The following NUDT4 variants were observed in gnomAD, a reference collection of about 807,000 sequenced individuals.
The protein encoded by NUDT4 is diphosphoinositol polyphosphate phosphohydrolase 2.
A neutral mutation model predicts 23.1 loss-of-function variants in NUDT4; 5 were observed. The observed-to-expected ratio is 0.22, with a 90% CI of 0.11 to 0.46. The LOEUF (loss-of-function observed/expected upper bound fraction) is 0.46. NUDT4 is among the 20% of genes least tolerant of loss of function. NUDT4 has a pLI of 0.99. For missense variants in NUDT4, 96 were observed against 211.6 expected (o/e 0.45, Z 3.39); for synonymous variants, 50 against 79.0 (o/e 0.63, Z 1.95).
At chr12:93,379,424 AT>A (rs1311201811) in intron 1 of NUDT4, among the ~76,000 whole-genome samples, 4 of 148,954 alleles carry the variant, frequency 2.7e-5, no homozygotes, top group African/African-American at 7.3e-5. Context: ...CGTGTATAAA[AT>A]ACTAGGCTAA....
At chr12:93,378,455 G>C (rs1875368302) in intron 1 of NUDT4, 34 bp downstream of exon 1, 4 of 1,523,404 alleles carry the variant, frequency 2.6e-6, no homozygotes, top group East Asian at 5.0e-5. Flanking sequence ...TGCCCTCCGG[G>C]GCGCCGGGGT....
chr12:93,394,477 C>G, intron 1 of NUDT4, 132 bp from the exon 2 acceptor site: 1 of 501,538 alleles, frequency 2.0e-6, no homozygotes, highest in Non-Finnish European at 3.6e-6. Flanking sequence ...TAATGCGTAC[C>G]CCCTAATTTT....
intron 1 of NUDT4, among the ~76,000 whole-genome samples, chr12:93,391,608 G>T (rs893802629): frequency 8.6e-5 from 13 of 151,740 alleles, no homozygotes; most frequent in Non-Finnish European, 1.6e-4. Flanking sequence ...CTGGTGGTGG[G>T]TGCCTGTACT....
chr12:93,385,970 T>TATATATATAC (rs1243696865), intron 1 of NUDT4, among the ~76,000 whole-genome samples: 2,474 of 118,330 alleles, frequency 0.021, 57 homozygotes, highest in South Asian at 0.051. Flanking sequence ...TATATATATA[T>TATATATATAC]ACATAATTTT....
chr12:93,402,184 TGAATTGCTTTG>T lies in NUDT4; in HGVS notation c.*2806_*2816del. The T allele has an allele frequency of 6.6e-6, 1 of 152,110 alleles. No homozygotes were observed. The highest frequency in any genetic ancestry group is 2.1e-4 in the South Asian group (1 of 4,834). 9.4% of individuals were successfully genotyped at this position (152,110 alleles called of 1,614,324 possible). On this transcript the variant is annotated 3_prime_UTR_variant, in exon 5 of 5. Transcript: ENST00000415493. ...GGGGAAAAATGATTGTTGTATACAC[TGAATTGCTTTG>T]CATGGTCTCATTTGAGATAATTGAT...
In NUDT4 at chr12:93,405,876, TTAAA is replaced by T. The variant is rs1221142751; in HGVS notation, c.*6502_*6505del. ...ATTCGAATGAAATATTACATTTTTC[TTAAA>T]TAAAGCAATAAATTAGGTACCCTAT... On this transcript the variant is annotated 3_prime_UTR_variant, in exon 5 of 5. Transcript: ENST00000415493. 5.3e-5 allele frequency: 8 copies of T among 152,232 alleles called. No individual in the cohort carries two copies. Among genetic ancestry groups the T allele is most frequent in the South Asian group, 2.1e-4 (1 of 4,834 alleles). 9.4% of individuals were successfully genotyped at this position (152,232 alleles called of 1,614,324 possible). A position where few individuals can be genotyped will look rare whatever the true frequency, so the allele number is the denominator to read the frequency against.
chr12:93,394,182 A>C (rs1876759834), intron 1 of NUDT4, among the ~76,000 whole-genome samples: 1 of 152,118 alleles, frequency 6.6e-6, no homozygotes, highest in Non-Finnish European at 1.5e-5. Flanking sequence ...TTTTTAGTAG[A>C]GACGGGGTTT....
At chr12:93,397,755 C>G (rs1354531984) in intron 3 of NUDT4, among the ~76,000 whole-genome samples, 1 of 152,066 alleles carries the variant, frequency 6.6e-6, no homozygotes, top group African/African-American at 2.4e-5. Context: ...GAACTCCTGA[C>G]CTCAAGTGAT....
chr12:93,392,694 T>G (rs1876639630), intron 1 of NUDT4, among the ~76,000 whole-genome samples: 1 of 102,308 alleles, frequency 9.8e-6, no homozygotes, highest in African/African-American at 4.0e-5. Flanking sequence ...TCCCCCGAGA[T>G]GGAGTCTTGC....
chr12:93,404,715 A>G lies in NUDT4; in HGVS notation c.*5336A>G, dbSNP rs1242895176. 1 of 152,216 alleles carries G rather than the reference A, an allele frequency of 6.6e-6. No homozygotes were observed. Among genetic ancestry groups the G allele is most frequent in the Non-Finnish European group, 1.5e-5 (1 of 68,040 alleles). The allele number at this position is 152,216 out of a possible 1,614,324, so 9.4% of individuals were successfully genotyped here. A position where few individuals can be genotyped will look rare whatever the true frequency, so the allele number is the denominator to read the frequency against. The stretch of plus-strand genomic sequence containing the variant: ...ACCTGTTTTATGCATGTATTGGCAT[A>G]CACTGAAAAAGCTTAGTCACTTAAA... On this transcript the variant is annotated 3_prime_UTR_variant, in exon 5 of 5. Transcript: ENST00000415493.
chr12:93,404,422 T>C lies in NUDT4; in HGVS notation c.*5043T>C, dbSNP rs1877687450. On this transcript the variant is annotated 3_prime_UTR_variant, in exon 5 of 5. Transcript: ENST00000415493. ...AGCCTGTCGGAGAGCTACTGAGTAG[T>C]ATTTTATCACAGCTGCATACATACC... is the stretch of plus-strand genomic sequence containing the variant. 1 of 152,216 alleles carries C rather than the reference T, an allele frequency of 6.6e-6. No individual in the cohort carries two copies. Among genetic ancestry groups the C allele is most frequent in the Non-Finnish European group, 1.5e-5 (1 of 68,042 alleles). The allele number at this position is 152,216 out of a possible 1,614,324, so 9.4% of individuals were successfully genotyped here. A position where few individuals can be genotyped will look rare whatever the true frequency, so the allele number is the denominator to read the frequency against.
chr12:93,395,594 A>G (rs1876876327), intron 3 of NUDT4, 61 bp downstream of exon 3: 3 of 1,298,168 alleles, frequency 2.3e-6, no homozygotes, highest in Non-Finnish European at 2.2e-6. Flanking sequence ...TTCCTAACCA[A>G]CCAAATAATG....
chr12:93,398,436 A>G (rs1272452607), intron 3 of NUDT4, among the ~76,000 whole-genome samples: 1 of 151,914 alleles, frequency 6.6e-6, no homozygotes, highest in Non-Finnish European at 1.5e-5. Context: ...CTGTAAGCTC[A>G]GTTTTTGGGA....
chr12:93,393,345 C>CT (rs1468576831), intron 1 of NUDT4, among the ~76,000 whole-genome samples: 1 of 151,692 alleles, frequency 6.6e-6, no homozygotes, highest in African/African-American at 2.4e-5. Flanking sequence ...CTCAGGTGAT[C>CT]GCCCACCTCG....
intron 1 of NUDT4, among the ~76,000 whole-genome samples, chr12:93,391,623 A>C (rs1876513245): frequency 6.6e-6 from 1 of 151,522 alleles, no homozygotes; most frequent in South Asian, 2.1e-4. Context: ...TGTACTCCCA[A>C]CTGCTCGGGA....
chr12:93,385,454 A>C (rs910900930), intron 1 of NUDT4, among the ~76,000 whole-genome samples: 2 of 152,176 alleles, frequency 1.3e-5, no homozygotes, highest in Non-Finnish European at 2.9e-5. Context: ...TGTCATCGCT[A>C]ATGTAACAGA....
chr12:93,383,441 T>C (rs1367752056), intron 1 of NUDT4, among the ~76,000 whole-genome samples: 1 of 150,744 alleles, frequency 6.6e-6, no homozygotes, highest in Non-Finnish European at 1.5e-5. Flanking sequence ...TGGCTAAATT[T>C]TGGTTAAGTG....
chr12:93,396,075 G>A (rs1282662211), intron 3 of NUDT4, among the ~76,000 whole-genome samples: 1 of 152,176 alleles, frequency 6.6e-6, no homozygotes, highest in Non-Finnish European at 1.5e-5. Flanking sequence ...TGAAAATACA[G>A]TGGAGCTGAT....
At chr12:93,394,290 C>T (rs1175456124) in intron 1 of NUDT4, among the ~76,000 whole-genome samples, 1 of 152,204 alleles carries the variant, frequency 6.6e-6, no homozygotes, top group Non-Finnish European at 1.5e-5. Flanking sequence ...GCGTGAGCCA[C>T]CGCGCCCAGC....
Sources: gnomAD v4.1 joint callset for allele counts (sites outside exome capture counted in the v4.1 genomes callset) on GRCh38, gnomAD v4.1.1 for gene constraint, MANE v1.5 for transcripts, NCBI Gene and HGNC (gene_info 2026-07-23, HGNC 2026-07-21) for gene names.